The following DENND2A variants were observed in gnomAD, a reference collection of about 807,000 sequenced individuals.
The protein encoded by DENND2A is DENN domain containing 2A, also known as DENN domain-containing protein 2A.
A neutral mutation model predicts 105.3 loss-of-function variants in DENND2A; 53 were observed. That is an observed-to-expected ratio of 0.50 (90% CI 0.40 to 0.63). The LOEUF is 0.63. Ranked by LOEUF, DENND2A falls within the 30% of genes least tolerant of loss-of-function variation. The probability of loss-of-function intolerance (pLI) is 0.00; values close to 1 mark genes in which losing one functional copy is unlikely to be tolerated. For synonymous variants in DENND2A, 522 were observed against 508.4 expected, an observed-to-expected ratio of 1.03 and a Z score of -0.36; for missense variants, 1,138 against 1,279.6, an observed-to-expected ratio of 0.89 and a Z score of 1.69.
In DENND2A at chr7:140,601,520, T is replaced by C. The variant is rs777540395; in HGVS notation, c.878A>G (p.Lys293Arg). The part of the protein sequence containing the change: ...GKPGIGFRKE[K>R]RNLPPLPSLP... ...AGAGGGCAGAGGAGGCAGATTTCTT[T>C]TCTCTTTCCTGAAGCCGATGCCAGG... Residue 293 changes from lysine to arginine, a missense_variant, in exon 3 of 20, where the codon AAA becomes AGA. Coordinates refer to ENST00000496613, the MANE Select transcript of DENND2A (RefSeq NM_015689.5). 1.9e-6 allele frequency: 3 copies of C among 1,614,028 alleles called. No individual in the cohort carries two copies. The South Asian group carries it at 3.3e-5, about 18-fold the overall frequency.
rs545052085 is a variant in DENND2A, at chr7:140,587,539, A to G, written c.1123+114T>C. On this transcript the variant is annotated intron_variant, in intron 4 of 19. Transcript: ENST00000496613. ...TCATCCGAGTGCACAGGTGTCTTCA[A>G]GTGTGTGTGTGTGTACATGTGTGTG... 339 of 1,354,852 alleles carry G rather than the reference A, an allele frequency of 2.5e-4. 2 individuals are homozygous for G. In the South Asian group the frequency reaches 4.1e-3, roughly 16 times the overall value. The allele number at this position is 1,354,852 out of a possible 1,614,324, so 83.9% of individuals were successfully genotyped here. A position where few individuals can be genotyped will look rare whatever the true frequency, so the allele number is the denominator to read the frequency against.
intron 14 of DENND2A, among the ~76,000 whole-genome samples, chr7:140,539,841 A>G (rs10952731): frequency 0.3 from 45,250 of 152,086 alleles, 6,907 homozygotes; most frequent in Middle Eastern, 0.36. Flanking sequence ...GCAGATTTCC[A>G]TCTCTTCAGG....
intron 1 of DENND2A, among the ~76,000 whole-genome samples, chr7:140,620,461 A>AT (rs887315214): frequency 2.8e-4 from 42 of 150,228 alleles, no homozygotes; most frequent in East Asian, 2.1e-3. Context: ...AGAGACTTTG[A>AT]TTTTTTTTTT....
At chr7:140,614,582 A>G (rs1163225516) in intron 1 of DENND2A, among the ~76,000 whole-genome samples, 1 of 152,234 alleles carries the variant, frequency 6.6e-6, no homozygotes. Flanking sequence ...AAATAAGGCC[A>G]TGGGCTATTC....
chr7:140,629,416 T>A (rs1490793683), intron 1 of DENND2A, among the ~76,000 whole-genome samples: 2 of 151,808 alleles, frequency 1.3e-5, no homozygotes, highest in Non-Finnish European at 2.9e-5. Context: ...GGCCAGTGCA[T>A]GGAGTAAAGA....
intron 1 of DENND2A, among the ~76,000 whole-genome samples, chr7:140,625,935 T>C (rs965882870): frequency 6.6e-6 from 1 of 152,222 alleles, no homozygotes; most frequent in Non-Finnish European, 1.5e-5. Context: ...GAACAGCTGA[T>C]ACAAATTGAG....
intron 1 of DENND2A, among the ~76,000 whole-genome samples, chr7:140,638,498 C>T (rs1801040414): frequency 6.6e-6 from 1 of 152,002 alleles, no homozygotes; most frequent in East Asian, 1.9e-4. Flanking sequence ...CCTTGGTCTC[C>T]TCCTCCTCCT....
rs760998955 is a variant in DENND2A at position 140,601,648 on chromosome 7, C to A, written c.750G>T (p.Val250=). 10 of 1,612,952 alleles carry A rather than the reference C, an allele frequency of 6.2e-6. No individual in the cohort carries two copies. The African/African-American group carries it at 1.3e-4, about 22-fold the overall frequency. ...TGGGGGAACCCTCCGAGCCCCTATA[C>A]ACGTTCTCAAGGCTCCGGTCCCAGG... is the stretch of plus-strand genomic sequence containing the variant. ...RRPWDRSLEN[V]YRGSEGSPTK... The change falls in exon 3 of 20, where the codon GTG becomes GTT. Residue 250 remains valine, a synonymous_variant. Coordinates refer to ENST00000496613, the MANE Select transcript of DENND2A (RefSeq NM_015689.5).
At position 140,601,511 on chromosome 7, in the gene DENND2A, A is replaced by C; in HGVS notation, c.887T>G (p.Leu296Arg). 6.2e-7 allele frequency: 1 copy of C among 1,614,154 alleles called. No homozygotes were observed. The highest frequency in any genetic ancestry group is 8.5e-7 in the Non-Finnish European group (1 of 1,180,030). Residue 296 changes from leucine to arginine, a missense_variant, in exon 3 of 20, where the codon CTG becomes CGG. Leu to Arg is a moderately radical substitution (Grantham distance 102). Coordinates refer to ENST00000496613, the MANE Select transcript of DENND2A (RefSeq NM_015689.5). ...GIGFRKEKRN[L>R]PPLPSLPPPP... ...GGGAGGTAGAGAGGGCAGAGGAGGCAGATTTCTTTTCTCTTTCCTGAAGCC... is the reference window on the plus strand; with the variant it reads ...GGGAGGTAGAGAGGGCAGAGGAGGCCGATTTCTTTTCTCTTTCCTGAAGCC...
intron 3 of DENND2A, among the ~76,000 whole-genome samples, chr7:140,598,227 T>A (rs932439883): frequency 6.6e-6 from 1 of 152,202 alleles, no homozygotes; most frequent in Non-Finnish European, 1.5e-5. Context: ...AATCATATGA[T>A]CATCAGGAGT....
Position 140,585,618 on chromosome 7 carries a change from T to G in DENND2A, c.1216A>C (p.Thr406Pro). The G allele has an allele frequency of 2.5e-6, 4 of 1,613,898 alleles. No homozygotes were observed. Among genetic ancestry groups the G allele is most frequent in the Non-Finnish European group, 2.5e-6 (3 of 1,179,962 alleles). ...GTGAGTGTGTCAGGGATGGAAGAGG[T>G]GGGAGAAGCAGGAAAATTCAAGACA... ...KCVLNFPASP[T>P]SSIPDTLTKQ... The change falls in exon 5 of 20, where the codon ACC becomes CCC. Residue 406 changes from threonine (T) to proline (P), a missense_variant. By Grantham distance (38) the Thr-to-Pro change is conservative. Transcript: ENST00000496613.
At chr7:140,618,059 C>T (rs548252514) in intron 1 of DENND2A, among the ~76,000 whole-genome samples, 2 of 152,316 alleles carry the variant, frequency 1.3e-5, no homozygotes, top group South Asian at 4.1e-4. Context: ...TAGTGGCCAT[C>T]TTGGATAGGA....
intron 5 of DENND2A, among the ~76,000 whole-genome samples, chr7:140,581,454 T>A (rs1397279090): frequency 2.6e-5 from 4 of 152,174 alleles, no homozygotes; most frequent in African/African-American, 9.7e-5. Flanking sequence ...TAACTAGCTG[T>A]GGCCTAATGA....
At chr7:140,632,909 TG>T (rs1800782802) in intron 1 of DENND2A, among the ~76,000 whole-genome samples, 1 of 147,610 alleles carries the variant, frequency 6.8e-6, no homozygotes, top group African/African-American at 2.6e-5. Flanking sequence ...TTGCCCAGGC[TG>T]GAGTCCAGTG....
chr7:140,521,749 A>G, intron 18 of DENND2A, 106 bp downstream of exon 18: 1 of 1,532,616 alleles, frequency 6.5e-7, no homozygotes, highest in Non-Finnish European at 8.8e-7. Flanking sequence ...AGATGGACAC[A>G]GTCCTGTCTG....
intron 5 of DENND2A, among the ~76,000 whole-genome samples, chr7:140,577,248 G>A (rs1304911818): frequency 6.6e-6 from 1 of 152,068 alleles, no homozygotes. Flanking sequence ...GTGAGGGAGA[G>A]TAAATTAGAT....
chr7:140,606,410 CATAA>C (rs1346271895), intron 1 of DENND2A, among the ~76,000 whole-genome samples: 1 of 152,128 alleles, frequency 6.6e-6, no homozygotes, highest in Non-Finnish European at 1.5e-5. Context: ...GAAAGCAAAA[CATAA>C]ATAACAACGA....
At chr7:140,591,171 C>T (rs750912707) in intron 3 of DENND2A, among the ~76,000 whole-genome samples, 6 of 151,780 alleles carry the variant, frequency 4.0e-5, no homozygotes, top group Non-Finnish European at 7.4e-5. Context: ...GTGGGGCACA[C>T]CTATAGCCCC....
At chr7:140,588,571 T>C (rs999918936) in intron 3 of DENND2A, among the ~76,000 whole-genome samples, 1 of 152,112 alleles carries the variant, frequency 6.6e-6, no homozygotes, top group Non-Finnish European at 1.5e-5. Flanking sequence ...CTGTGTATAC[T>C]ATAGATACAC....
Sources: gnomAD v4.1 joint callset for allele counts (sites outside exome capture counted in the v4.1 genomes callset) on GRCh38, gnomAD v4.1.1 for gene constraint, MANE v1.5 for transcripts, NCBI Gene and HGNC (gene_info 2026-07-23, HGNC 2026-07-21) for gene names.